The following PAPPA2 variants were observed in gnomAD, a reference collection of about 807,000 sequenced individuals.
PAPPA2 encodes the protein pappalysin 2.
PAPPA2 carries 86 observed loss-of-function variants against 176.4 expected under a neutral mutation model. That is an observed-to-expected ratio of 0.49 (90% CI 0.41 to 0.58). The LOEUF (loss-of-function observed/expected upper bound fraction) is 0.58. Among genes scored for constraint, PAPPA2 ranks in the 20% least tolerant of loss-of-function variants. The pLI, the probability that PAPPA2 is intolerant of heterozygous loss-of-function variation, is 0.00. For missense variants in PAPPA2, 2,073 were observed against 2,256.9 expected, an observed-to-expected ratio of 0.92 and a Z score of 1.65; for synonymous variants, 809 against 852.2, an observed-to-expected ratio of 0.95 and a Z score of 0.88.
At chr1:176,793,756 C>A in intron 20 of PAPPA2, 87 bp downstream of exon 20, 2 of 981,866 alleles carry the variant, frequency 2.0e-6, no homozygotes, top group Non-Finnish European at 3.0e-6. Context: ...ATTTCAGAGG[C>A]TTTCAAAGCA....
chr1:176,779,476 TCA>T (rs376976102), intron 17 of PAPPA2, among the ~76,000 whole-genome samples: 10,347 of 126,626 alleles, frequency 0.082, 462 homozygotes, highest in African/African-American at 0.13. Context: ...TCCATACTCA[TCA>T]CACACACACA....
At chr1:176,730,485 C>T (rs1662087427) in intron 12 of PAPPA2, among the ~76,000 whole-genome samples, 1 of 151,814 alleles carries the variant, frequency 6.6e-6, no homozygotes, top group African/African-American at 2.4e-5. Flanking sequence ...TTTGAACCTT[C>T]TTTTTCTCTT....
At chr1:176,623,856 C>T (rs1655852743) in intron 3 of PAPPA2, among the ~76,000 whole-genome samples, 1 of 142,826 alleles carries the variant, frequency 7.0e-6, no homozygotes, top group African/African-American at 2.6e-5. Flanking sequence ...TCTCCTCTTT[C>T]TTTCTACAAG....
chr1:176,467,848 C>G (rs1433666657), intron 1 of PAPPA2, among the ~76,000 whole-genome samples: 2 of 152,176 alleles, frequency 1.3e-5, no homozygotes, highest in Non-Finnish European at 2.9e-5. Context: ...TGTGGAGCCA[C>G]TACAATGTAC....
intron 1 of PAPPA2, among the ~76,000 whole-genome samples, chr1:176,554,997 G>GTGTC (rs1335463366): frequency 1.0e-5 from 1 of 99,916 alleles, no homozygotes; most frequent in African/African-American, 3.2e-5. Flanking sequence ...GTGTGTGTGT[G>GTGTC]TGTGAGAGAG....
chr1:176,483,526 A>G (rs1410612954), intron 1 of PAPPA2, among the ~76,000 whole-genome samples: 1 of 122,118 alleles, frequency 8.2e-6, no homozygotes, highest in Non-Finnish European at 1.6e-5. Context: ...GCTGGAGTGC[A>G]GTGGTGTGAT....
chr1:176,716,862 C>T (rs935237027), intron 12 of PAPPA2, among the ~76,000 whole-genome samples: 5 of 152,006 alleles, frequency 3.3e-5, no homozygotes, highest in African/African-American at 7.2e-5. Flanking sequence ...CCGCCCATCT[C>T]GGCCTCCCAA....
chr1:176,770,271 C>T (rs1664163848), intron 16 of PAPPA2, among the ~76,000 whole-genome samples: 1 of 152,146 alleles, frequency 6.6e-6, no homozygotes, highest in South Asian at 2.1e-4. Context: ...GCTATAATTG[C>T]AGATTCCTGA....
At chr1:176,617,603 C>T (rs939053022) in intron 3 of PAPPA2, among the ~76,000 whole-genome samples, 1 of 151,954 alleles carries the variant, frequency 6.6e-6, no homozygotes, top group Non-Finnish European at 1.5e-5. Flanking sequence ...GCTGTGAATG[C>T]CATTATTTCA....
chr1:176,759,702 G>T (rs1195303636), intron 14 of PAPPA2, among the ~76,000 whole-genome samples: 1 of 152,118 alleles, frequency 6.6e-6, no homozygotes, highest in Non-Finnish European at 1.5e-5. Flanking sequence ...CCCTGCGATA[G>T]CCTCAAAAAG....
At chr1:176,464,625 C>A (rs1651529041) in intron 1 of PAPPA2, among the ~76,000 whole-genome samples, 1 of 152,126 alleles carries the variant, frequency 6.6e-6, no homozygotes, top group Non-Finnish European at 1.5e-5. Context: ...AGCTTTTTCC[C>A]AAACTCTCTC....
intron 1 of PAPPA2, among the ~76,000 whole-genome samples, chr1:176,495,164 A>G (rs1489212908): frequency 6.6e-6 from 1 of 152,212 alleles, no homozygotes; most frequent in Non-Finnish European, 1.5e-5. Context: ...CACATTGCTA[A>G]CTATATGTCA....
chr1:176,590,199 G>A (rs1653574796), intron 2 of PAPPA2, among the ~76,000 whole-genome samples: 1 of 152,174 alleles, frequency 6.6e-6, no homozygotes, highest in Admixed American at 6.5e-5. Context: ...AACTTTAGTA[G>A]TCAAAGGGAA....
intron 12 of PAPPA2, among the ~76,000 whole-genome samples, chr1:176,738,928 C>A (rs186597528): frequency 7.6e-4 from 115 of 152,148 alleles, no homozygotes; most frequent in Non-Finnish European, 1.2e-3. Flanking sequence ...TCACCCTAAC[C>A]ATCTAGGGAC....
At chr1:176,491,969 A>G (rs1346911933) in intron 1 of PAPPA2, among the ~76,000 whole-genome samples, 2 of 152,206 alleles carry the variant, frequency 1.3e-5, no homozygotes, top group Non-Finnish European at 2.9e-5. Flanking sequence ...ACACAGCAGA[A>G]CCCAGGCTCT....
chr1:176,469,677 G>A (rs1469553417), intron 1 of PAPPA2, among the ~76,000 whole-genome samples: 1 of 152,146 alleles, frequency 6.6e-6, no homozygotes, highest in Admixed American at 6.5e-5. Context: ...CATCCACTGG[G>A]CCAAAGTTCT....
chr1:176,467,773 T>C (rs979508732), intron 1 of PAPPA2, among the ~76,000 whole-genome samples: 1 of 152,206 alleles, frequency 6.6e-6, no homozygotes, highest in African/African-American at 2.4e-5. Context: ...ACTTTCTCAA[T>C]TGGGTCTCAT....
chr1:176,599,195 A>T (rs535667681), intron 3 of PAPPA2, among the ~76,000 whole-genome samples: 1 of 152,032 alleles, frequency 6.6e-6, no homozygotes, highest in South Asian at 2.1e-4. Context: ...ATGTACATAT[A>T]TATATATACA....
At chr1:176,538,305 A>G (rs1650181230) in intron 1 of PAPPA2, among the ~76,000 whole-genome samples, 1 of 152,106 alleles carries the variant, frequency 6.6e-6, no homozygotes, top group Non-Finnish European at 1.5e-5. Context: ...TGAACCAAGC[A>G]CTTCACATTT....
Sources: gnomAD v4.1 joint callset for allele counts (sites outside exome capture counted in the v4.1 genomes callset) on GRCh38, gnomAD v4.1.1 for gene constraint, MANE v1.5 for transcripts, NCBI Gene and HGNC (gene_info 2026-07-23, HGNC 2026-07-21) for gene names.